Variants in MEGF11 observed in about 807,000 individuals in gnomAD.
MEGF11 encodes the protein multiple epidermal growth factor-like domains protein 11.
MEGF11 carries 126 observed loss-of-function variants against 146.6 expected under a neutral mutation model. The ratio of observed to expected loss-of-function variants is 0.86; its 90% CI spans 0.74 to 1.00. The LOEUF (loss-of-function observed/expected upper bound fraction) is 1.00, where lower values mean the gene tolerates loss of function less well. Among genes scored for constraint, MEGF11 ranks in the 50% least tolerant of loss-of-function variants. The pLI is 0.00. For synonymous variants in MEGF11, 532 were observed against 583.4 expected, an observed-to-expected ratio of 0.91 and a Z score of 1.27; for missense variants, 1,509 against 1,521.2, an observed-to-expected ratio of 0.99 and a Z score of 0.13.
At chr15:66,233,589 G>C (rs2092017486) in intron 1 of MEGF11, among the ~76,000 whole-genome samples, 1 of 152,134 alleles carries the variant, frequency 6.6e-6, no homozygotes, top group South Asian at 2.1e-4. Flanking sequence ...CTAAGGCTTA[G>C]CAAGCTAAAA....
chr15:66,109,860 A>C (rs1359390158), intron 4 of MEGF11, among the ~76,000 whole-genome samples: 1 of 152,120 alleles, frequency 6.6e-6, no homozygotes, highest in Admixed American at 6.5e-5. Flanking sequence ...TCACTCACTA[A>C]ATTCAGTGGT....
At chr15:65,996,046 C>T (rs2082187434) in intron 5 of MEGF11, among the ~76,000 whole-genome samples, 1 of 152,208 alleles carries the variant, frequency 6.6e-6, no homozygotes, top group African/African-American at 2.4e-5. Flanking sequence ...CCCTCCCTGC[C>T]TCTCACCCCA....
At chr15:66,119,268 T>A (rs2140911514) in intron 3 of MEGF11, 82 bp from the exon 4 acceptor site, 1 of 942,086 alleles carries the variant, frequency 1.1e-6, no homozygotes, top group African/African-American at 1.7e-5. Context: ...TTAAGCTATA[T>A]TGAGGATGCC....
rs1194937112 is a variant in MEGF11 at position 66,141,285 on chromosome 15, T to TGA, written c.-8-12875_-8-12874insTC. ...GTGTGTGTGTGTGTGTGTGTGTGTGTGTGTGAGAGAGAGAGAGAGAGAGAC... is the reference window on the plus strand; with the variant it reads ...GTGTGTGTGTGTGTGTGTGTGTGTGTGAGTGTGAGAGAGAGAGAGAGAGAGAC... On this transcript the variant is annotated intron_variant, in intron 1 of 25. Transcript: ENST00000395614. 1.8e-3 allele frequency among the ~76,000 whole-genome samples: 154 copies of TGA among 86,742 alleles called. 1 individual carries two copies. Among genetic ancestry groups the TGA allele is most frequent in the East Asian group, 0.016 (32 of 2,052 alleles). The allele number at this position is 86,742 out of a possible 152,430, so 56.9% of individuals were successfully genotyped here.
intron 1 of MEGF11, among the ~76,000 whole-genome samples, chr15:66,212,344 A>T (rs1285697092): frequency 2.0e-5 from 3 of 152,132 alleles, no homozygotes; most frequent in Non-Finnish European, 4.4e-5. Context: ...CCCACCTATC[A>T]TCTCTCCGCC....
intron 1 of MEGF11, among the ~76,000 whole-genome samples, chr15:66,140,896 A>G (rs2089118809): frequency 6.6e-6 from 1 of 152,178 alleles, no homozygotes; most frequent in Admixed American, 6.5e-5. Flanking sequence ...GCGAGCCCTT[A>G]CTAAGAATAC....
Position 65,895,626 on chromosome 15 carries a change from A to G in MEGF11, c.*2308T>C, listed in dbSNP as rs536432539. The G allele has an allele frequency of 6.5e-6, 1 of 152,726 alleles. No individual in the cohort carries two copies. The highest frequency in any genetic ancestry group is 6.5e-5 in the Admixed American group (1 of 15,302). 9.5% of individuals were successfully genotyped at this position (152,726 alleles called of 1,614,324 possible). A position where few individuals can be genotyped will look rare whatever the true frequency, so the allele number is the denominator to read the frequency against. ...TGTAAGATTGAAATGTCTTTTACTG[A>G]TAACTGTTCGATAGGGGAAGGCAGC... On this transcript the variant is annotated 3_prime_UTR_variant, in exon 26 of 26. Transcript: ENST00000395614.
chr15:66,217,303 C>T (rs1380910864), intron 1 of MEGF11, among the ~76,000 whole-genome samples: 1 of 152,212 alleles, frequency 6.6e-6, no homozygotes, highest in Admixed American at 6.5e-5. Flanking sequence ...AGAGGGTTCA[C>T]CTGCGCAGGG....
Position 66,067,325 on chromosome 15 carries a change from T to C in MEGF11, c.394+27077A>G, listed in dbSNP as rs558609685. Among the ~76,000 whole-genome samples the C allele has an allele frequency of 1.8e-4, 27 of 152,356 alleles. 2 individuals are homozygous for C. The highest frequency in any genetic ancestry group is 1.3e-3 in the Admixed American group (20 of 15,306). ...GGTCACCAACAGTAATGATGCCTAGTACCTCAGTAAAATGCATTCCTATCC... is the reference window on the plus strand; with the variant it reads ...GGTCACCAACAGTAATGATGCCTAGCACCTCAGTAAAATGCATTCCTATCC... On this transcript the variant is annotated intron_variant, in intron 5 of 25. Transcript: ENST00000395614.
intron 23 of MEGF11, among the ~76,000 whole-genome samples, chr15:65,907,585 G>A (rs1357115161): frequency 1.3e-5 from 2 of 152,162 alleles, no homozygotes; most frequent in Non-Finnish European, 2.9e-5. Context: ...GTGAGCCACC[G>A]TACCCAGCCT....
intron 5 of MEGF11, among the ~76,000 whole-genome samples, chr15:66,048,478 G>A (rs2084315258): frequency 1.3e-5 from 2 of 152,246 alleles, no homozygotes; most frequent in African/African-American, 4.8e-5. Flanking sequence ...CAGGGGCTCT[G>A]TGGGCTTAGC....
chr15:66,009,858 T>C lies in MEGF11; in HGVS notation c.395-27370A>G, dbSNP rs557651812. On this transcript the variant is annotated intron_variant, in intron 5 of 25. Transcript: ENST00000395614. ...ATCCACCCACATCGGCCTCCCAAAG[T>C]GCTGGGATTACAGGCGTGAGCCACC... Among the ~76,000 whole-genome samples the C allele has an allele frequency of 7.8e-4, 119 of 152,136 alleles. 4 individuals carry two copies. The South Asian group carries it at 0.018, about 23-fold the overall frequency.
At chr15:65,943,789 A>G (rs1375106431) in intron 10 of MEGF11, among the ~76,000 whole-genome samples, 1 of 152,088 alleles carries the variant, frequency 6.6e-6, no homozygotes, top group African/African-American at 2.4e-5. Context: ...ATTTGATCAT[A>G]GTGGCTTTGA....
chr15:66,033,299 T>C (rs754728756), intron 5 of MEGF11, among the ~76,000 whole-genome samples: 1 of 152,010 alleles, frequency 6.6e-6, no homozygotes, highest in Admixed American at 6.5e-5. Flanking sequence ...GCCCCTCCCA[T>C]AACAGGCCCC....
chr15:65,905,970 C>A lies in MEGF11; in HGVS notation c.3055+115G>T, dbSNP rs2078614352. 7.5e-6 allele frequency: 6 copies of A among 804,184 alleles called. No homozygotes were observed. The East Asian group carries it at 1.4e-4, about 19-fold the overall frequency. The allele number at this position is 804,184 out of a possible 1,614,324, so 49.8% of individuals were successfully genotyped here. The stretch of plus-strand genomic sequence containing the variant: ...CCAGGCCCTGTGGTCTTTTAACCTT[C>A]TGTGGGGGGCAGGCACACACAGTTT... On this transcript the variant is annotated intron_variant, in intron 24 of 25. Transcript: ENST00000395614.
At chr15:66,116,371 C>A (rs2087730396) in intron 4 of MEGF11, among the ~76,000 whole-genome samples, 1 of 152,084 alleles carries the variant, frequency 6.6e-6, no homozygotes, top group Non-Finnish European at 1.5e-5. Context: ...CGTAGCACAG[C>A]ACTGTGGGTG....
At position 65,965,617 on chromosome 15, in the gene MEGF11, T is replaced by TC. The variant is rs1567180159; in HGVS notation, c.900-498_900-497insG. On this transcript the variant is annotated intron_variant, in intron 8 of 25. Coordinates refer to ENST00000395614, the MANE Select transcript of MEGF11 (RefSeq NM_001385028.1). ...CTTTCTTTCTTTTTTTTTTTTCTTT[T>TC]TTTTTTTTTTGGCTCTTCTATTCTT... is the stretch of plus-strand genomic sequence containing the variant. Among the ~76,000 whole-genome samples the TC allele has an allele frequency of 5.8e-4, 65 of 112,996 alleles. 2 individuals carry two copies. The highest frequency in any genetic ancestry group is 1.4e-3 in the South Asian group (5 of 3,556). 74.1% of individuals were successfully genotyped at this position (112,996 alleles called of 152,430 possible).
chr15:66,205,052 A>G (rs1490744389), intron 1 of MEGF11, among the ~76,000 whole-genome samples: 1 of 150,564 alleles, frequency 6.6e-6, no homozygotes, highest in Admixed American at 6.6e-5. Context: ...CAGAAATGCC[A>G]ATAGGAGCAT....
At chr15:66,149,078 C>T (rs2089472652) in intron 1 of MEGF11, among the ~76,000 whole-genome samples, 3 of 152,236 alleles carry the variant, frequency 2.0e-5, no homozygotes, top group Admixed American at 1.3e-4. Flanking sequence ...GCACCTCCAG[C>T]CTCCTGCTCG....
Sources: gnomAD v4.1 joint callset for allele counts (sites outside exome capture counted in the v4.1 genomes callset) on GRCh38, gnomAD v4.1.1 for gene constraint, MANE v1.5 for transcripts, NCBI Gene and HGNC (gene_info 2026-07-23, HGNC 2026-07-21) for gene names.